The following XPR1 variants were observed in gnomAD, a reference collection of about 807,000 sequenced individuals.
The protein encoded by XPR1 is solute carrier family 53 member 1.
In XPR1, 28 loss-of-function variants were observed where a neutral mutation model predicts 87.5. The observed-to-expected ratio is 0.32, with a 90% CI of 0.24 to 0.44. The LOEUF is 0.44. Among genes scored for constraint, XPR1 ranks in the 20% least tolerant of loss-of-function variants. XPR1 has a pLI of 1.00. For missense variants in XPR1, 559 were observed against 862.3 expected, an observed-to-expected ratio of 0.65 and a Z score of 4.41; for synonymous variants, 300 against 306.1, an observed-to-expected ratio of 0.98 and a Z score of 0.21.
chr1:180,833,773 A>G (rs1034400550), intron 9 of XPR1, among the ~76,000 whole-genome samples: 3 of 152,224 alleles, frequency 2.0e-5, no homozygotes, highest in African/African-American at 7.2e-5. Context: ...AAATTAAAAT[A>G]TTTCTCTCCA....
chr1:180,696,196 GTGTGTGTGTGTGTATA>G (rs1657163329), intron 2 of XPR1, among the ~76,000 whole-genome samples: 1 of 114,116 alleles, frequency 8.8e-6, no homozygotes, highest in African/African-American at 4.0e-5. Context: ...GTGTGTGTGT[GTGTGTGTGTGTGTATA>G]TATATATATA....
At chr1:180,819,706 A>G (rs1650543413) in intron 7 of XPR1, among the ~76,000 whole-genome samples, 5 of 152,192 alleles carry the variant, frequency 3.3e-5, no homozygotes, top group Admixed American at 3.3e-4. Flanking sequence ...TATCACCACC[A>G]CTACTAAAAC....
intron 1 of XPR1, among the ~76,000 whole-genome samples, chr1:180,661,899 A>T (rs1243682085): frequency 6.6e-6 from 1 of 152,142 alleles, no homozygotes; most frequent in Non-Finnish European, 1.5e-5. Context: ...ACAACAAAAA[A>T]ACCCTCGTTA....
At chr1:180,838,929 T>G (rs78385441) in intron 11 of XPR1, among the ~76,000 whole-genome samples, 4,199 of 152,300 alleles carry the variant, frequency 0.028, 70 homozygotes, top group Non-Finnish European at 0.031. Context: ...TTACCTACAG[T>G]TGATCAAAGC....
intron 1 of XPR1, among the ~76,000 whole-genome samples, chr1:180,635,935 G>C (rs73047679): frequency 0.043 from 6,525 of 152,204 alleles, 496 homozygotes; most frequent in African/African-American, 0.15. Context: ...CTTAACAGGA[G>C]TATTAATAGC....
At chr1:180,809,005 C>G (rs879779511) in intron 6 of XPR1, among the ~76,000 whole-genome samples, 2 of 152,106 alleles carry the variant, frequency 1.3e-5, no homozygotes, top group Non-Finnish European at 2.9e-5. Context: ...ATCTAAACAA[C>G]CCAAATGTCT....
chr1:180,729,875 C>G (rs1019420966), intron 2 of XPR1, among the ~76,000 whole-genome samples: 28 of 152,268 alleles, frequency 1.8e-4, no homozygotes, highest in African/African-American at 6.7e-4. Flanking sequence ...TTTTCTTCTG[C>G]TGTGCAGAAG....
At chr1:180,750,069 C>G (rs2102036324) in intron 2 of XPR1, among the ~76,000 whole-genome samples, 1 of 152,254 alleles carries the variant, frequency 6.6e-6, no homozygotes, top group Middle Eastern at 3.4e-3. Context: ...AATCATAGCA[C>G]TTGTCAGTAT....
intron 7 of XPR1, 146 bp downstream of exon 7, chr1:180,811,634 G>T: frequency 5.0e-6 from 3 of 602,996 alleles, no homozygotes; most frequent in East Asian, 3.2e-5. Flanking sequence ...TTATAAATGT[G>T]GTTTTTTTTA....
At chr1:180,647,214 A>C (rs1012155420) in intron 1 of XPR1, among the ~76,000 whole-genome samples, 1 of 152,252 alleles carries the variant, frequency 6.6e-6, no homozygotes, top group Non-Finnish European at 1.5e-5. Context: ...AATGTGAGCA[A>C]TGGGGAGCCG....
chr1:180,860,802 TA>T (rs201858737), intron 11 of XPR1, among the ~76,000 whole-genome samples: 598 of 128,376 alleles, frequency 4.7e-3, no homozygotes, highest in Admixed American at 4.9e-3. Context: ...AGGATGTGAC[TA>T]AAAAAAAAAA....
chr1:180,710,268 A>G (rs970417998), intron 2 of XPR1, among the ~76,000 whole-genome samples: 1 of 150,750 alleles, frequency 6.6e-6, no homozygotes, highest in East Asian at 1.9e-4. Context: ...TGGCAGGGTC[A>G]TAGGACAATA....
Position 180,632,125 on chromosome 1 carries a change from G to C in XPR1, c.-77G>C, listed in dbSNP as rs1654603074. 6.6e-7 allele frequency: 1 copy of C among 1,526,162 alleles called. No homozygotes were observed. Among genetic ancestry groups the C allele is most frequent in the Admixed American group, 1.9e-5 (1 of 51,516 alleles). The allele number at this position is 1,526,162 out of a possible 1,614,324, so 94.5% of individuals were successfully genotyped here. A position where few individuals can be genotyped will look rare whatever the true frequency, so the allele number is the denominator to read the frequency against. On this transcript the variant is annotated 5_prime_UTR_variant, in exon 1 of 15. Coordinates refer to ENST00000367590, the MANE Select transcript of XPR1 (RefSeq NM_004736.4). ...GCCGCGCCGCGCCGGGGCCCATGTG[G>C]GGAGGAGTCGGAGTCGCTGTTGCCG... is the stretch of plus-strand genomic sequence containing the variant.
chr1:180,802,646 A>G (rs546244894), intron 3 of XPR1, among the ~76,000 whole-genome samples: 42 of 152,192 alleles, frequency 2.8e-4, no homozygotes, highest in Non-Finnish European at 5.6e-4. Context: ...TCATCATCCT[A>G]AAGACATATC....
intron 3 of XPR1, among the ~76,000 whole-genome samples, chr1:180,791,497 G>A (rs551132795): frequency 1.3e-5 from 2 of 152,078 alleles, no homozygotes; most frequent in South Asian, 2.1e-4. Flanking sequence ...GGGTGGTCTC[G>A]AACTCCTGAC....
chr1:180,771,017 A>G (rs561040673), intron 2 of XPR1, among the ~76,000 whole-genome samples: 73 of 152,186 alleles, frequency 4.8e-4, no homozygotes, highest in Admixed American at 1.4e-3. Flanking sequence ...GTGCCTTCCT[A>G]TTTATTACAT....
chr1:180,633,587 C>G (rs904983554), intron 1 of XPR1, among the ~76,000 whole-genome samples: 1 of 152,140 alleles, frequency 6.6e-6, no homozygotes, highest in Non-Finnish European at 1.5e-5. Context: ...AATTCACTTG[C>G]AACCTAGAGT....
At chr1:180,797,283 T>C (rs1295032502) in intron 3 of XPR1, among the ~76,000 whole-genome samples, 1 of 152,230 alleles carries the variant, frequency 6.6e-6, no homozygotes, top group African/African-American at 2.4e-5. Context: ...CAAAGAATTA[T>C]ATGCAGTGTG....
In XPR1 at chr1:180,841,621, G is replaced by C. The variant is rs774039976; in HGVS notation, c.1501+4905G>C. ...ACCCTTAATGATTGTCTTGGCCAGG[G>C]GACTTGCACAGGGCAAGTATCGATT... On this transcript the variant is annotated intron_variant, in intron 11 of 14. Transcript: ENST00000367590. 1.2e-4 allele frequency among the ~76,000 whole-genome samples: 18 copies of C among 152,168 alleles called. No individual in the cohort carries two copies. The South Asian group carries it at 1.9e-3, about 16-fold the overall frequency.
Sources: gnomAD v4.1 joint callset for allele counts (sites outside exome capture counted in the v4.1 genomes callset) on GRCh38, gnomAD v4.1.1 for gene constraint, MANE v1.5 for transcripts, NCBI Gene and HGNC (gene_info 2026-07-23, HGNC 2026-07-21) for gene names.